Variants in NRXN3 observed in about 807,000 individuals in gnomAD.
NRXN3 encodes neurexin 3, also known as neurexin III.
In NRXN3, 32 loss-of-function variants were observed where a neutral mutation model predicts 137.6. The observed-to-expected ratio is 0.23, with a 90% CI of 0.18 to 0.31. The LOEUF is 0.31. Among genes scored for constraint, NRXN3 ranks in the 10% least tolerant of loss-of-function variants. NRXN3 has a pLI of 1.00. For missense variants in NRXN3, 1,574 were observed against 2,062.5 expected, an observed-to-expected ratio of 0.76 and a Z score of 4.59; for synonymous variants, 798 against 784.5, an observed-to-expected ratio of 1.02 and a Z score of -0.29.
intron 1 of NRXN3, among the ~76,000 whole-genome samples, chr14:78,195,061 C>T (rs918312099): frequency 2.0e-5 from 3 of 151,030 alleles, no homozygotes; most frequent in Non-Finnish European, 4.4e-5. Flanking sequence ...GACTGTCCCC[C>T]GACCCCCCAC....
At chr14:79,481,283 T>C (rs2153638174) in intron 16 of NRXN3, among the ~76,000 whole-genome samples, 1 of 152,306 alleles carries the variant, frequency 6.6e-6, no homozygotes, top group South Asian at 2.1e-4. Context: ...CATCTTTGTA[T>C]TTTTCTTTCT....
intron 1 of NRXN3, among the ~76,000 whole-genome samples, chr14:78,230,175 C>A (rs1335957879): frequency 6.6e-6 from 1 of 152,114 alleles, no homozygotes; most frequent in African/African-American, 2.4e-5. Context: ...CAGGCATGAG[C>A]CACCACACCT....
chr14:79,357,330 T>G (rs944007250), intron 15 of NRXN3, among the ~76,000 whole-genome samples: 12 of 152,164 alleles, frequency 7.9e-5, no homozygotes, highest in African/African-American at 2.9e-4. Flanking sequence ...ATTATAAACT[T>G]CTTTTTTAAA....
intron 4 of NRXN3, among the ~76,000 whole-genome samples, chr14:78,412,110 G>A (rs1191803348): frequency 2.0e-5 from 3 of 152,198 alleles, no homozygotes; most frequent in African/African-American, 4.8e-5. Context: ...GTAGTAAGAC[G>A]TTAATGGTGC....
intron 4 of NRXN3, among the ~76,000 whole-genome samples, chr14:78,451,874 C>G (rs1320779798): frequency 6.6e-6 from 1 of 152,174 alleles, no homozygotes; most frequent in East Asian, 1.9e-4. Flanking sequence ...GGATTATGTG[C>G]TAGATCAAGT....
intron 15 of NRXN3, among the ~76,000 whole-genome samples, chr14:79,426,393 T>G (rs1046667501): frequency 2.0e-5 from 3 of 152,174 alleles, no homozygotes; most frequent in Non-Finnish European, 4.4e-5. Flanking sequence ...TTGAAGCATT[T>G]TCTTGACATT....
rs1345360639 is a variant in NRXN3, at chr14:78,184,254, G to A, written c.-704+13580G>A. The stretch of plus-strand genomic sequence containing the variant: ...CTCATTTAACAAGTACTAATTGAGC[G>A]CCCGCTCGATGCCAGGCACTGGAAT... On this transcript the variant is annotated intron_variant, in intron 1 of 20. Coordinates refer to ENST00000335750, the MANE Select transcript of NRXN3 (RefSeq NM_001330195.2). 5.3e-5 allele frequency among the ~76,000 whole-genome samples: 8 copies of A among 152,182 alleles called. No homozygotes were observed. In the South Asian group the frequency reaches 1.2e-3, roughly 24 times the overall value.
chr14:79,120,120 T>C (rs1247060208), intron 15 of NRXN3, among the ~76,000 whole-genome samples: 1 of 152,154 alleles, frequency 6.6e-6, no homozygotes, highest in Non-Finnish European at 1.5e-5. Flanking sequence ...GTGTTCAAAT[T>C]ATTATCAAAT....
intron 15 of NRXN3, among the ~76,000 whole-genome samples, chr14:79,380,213 A>G (rs1599446146): frequency 9.1e-6 from 1 of 110,088 alleles, no homozygotes; most frequent in South Asian, 2.7e-4. Flanking sequence ...TATTATTATT[A>G]TACTTTAAGT....
intron 15 of NRXN3, among the ~76,000 whole-genome samples, chr14:79,085,762 T>G (rs1161825219): frequency 6.6e-6 from 1 of 152,152 alleles, no homozygotes; most frequent in Non-Finnish European, 1.5e-5. Flanking sequence ...GCAAGACTAT[T>G]GAAATAAGTG....
chr14:79,515,932 C>T (rs575855475), intron 16 of NRXN3, among the ~76,000 whole-genome samples: 2 of 152,156 alleles, frequency 1.3e-5, no homozygotes, highest in Admixed American at 1.3e-4. Flanking sequence ...GGCCCACAAA[C>T]TCAAAGCACG....
At chr14:79,473,568 G>A (rs1004111418) in intron 16 of NRXN3, among the ~76,000 whole-genome samples, 6 of 152,262 alleles carry the variant, frequency 3.9e-5, no homozygotes, top group Admixed American at 3.9e-4. Context: ...TTTGAGTCAA[G>A]AACTGTATTT....
chr14:79,259,689 A>G (rs1216896690), intron 15 of NRXN3, among the ~76,000 whole-genome samples: 1 of 138,588 alleles, frequency 7.2e-6, no homozygotes, highest in African/African-American at 2.7e-5. Context: ...CTATATATAT[A>G]GTTTATATAT....
At chr14:79,664,048 C>A in intron 17 of NRXN3, 99 bp downstream of exon 17, 1 of 1,200,796 alleles carries the variant, frequency 8.3e-7, no homozygotes. Context: ...TTCCAGAACA[C>A]TGAGTGAAGT....
intron 19 of NRXN3, among the ~76,000 whole-genome samples, chr14:79,709,582 C>T (rs2098795149): frequency 6.6e-6 from 1 of 152,156 alleles, no homozygotes; most frequent in South Asian, 2.1e-4. Flanking sequence ...TCCACGGTAA[C>T]AATGGGGAGC....
intron 4 of NRXN3, among the ~76,000 whole-genome samples, chr14:78,439,196 C>G (rs911372969): frequency 1.4e-4 from 21 of 151,754 alleles, no homozygotes; most frequent in African/African-American, 4.8e-4. Flanking sequence ...GGATCAAAAC[C>G]CCAGAGGAGG....
At position 79,851,363 on chromosome 14, in the gene NRXN3, A is replaced by AT. The variant is rs975041028; in HGVS notation, c.4094-9970dup. On this transcript the variant is annotated intron_variant, in intron 20 of 20. Transcript: ENST00000335750. ...GGGTTTTTCTTTTTCTATATTATTA[A>AT]TTTTTTTTTCCTCCATCTAAAACTT... is the stretch of plus-strand genomic sequence containing the variant. Among the ~76,000 whole-genome samples, 137 of 151,634 alleles carry AT rather than the reference A, an allele frequency of 9.0e-4. 1 individual carries two copies. The highest frequency in any genetic ancestry group is 3.0e-3 in the African/African-American group (125 of 41,366).
At chr14:79,424,382 T>C (rs1198562434) in intron 15 of NRXN3, among the ~76,000 whole-genome samples, 1 of 152,150 alleles carries the variant, frequency 6.6e-6, no homozygotes, top group Non-Finnish European at 1.5e-5. Context: ...GTTTTAAGGG[T>C]TGGAGAAAGA....
intron 4 of NRXN3, among the ~76,000 whole-genome samples, chr14:78,422,466 G>A (rs1443686776): frequency 6.6e-6 from 1 of 152,188 alleles, no homozygotes; most frequent in East Asian, 1.9e-4. Flanking sequence ...GAATCAGCTG[G>A]TGGGGAGACA....
Sources: gnomAD v4.1 joint callset for allele counts (sites outside exome capture counted in the v4.1 genomes callset) on GRCh38, gnomAD v4.1.1 for gene constraint, MANE v1.5 for transcripts, NCBI Gene and HGNC (gene_info 2026-07-23, HGNC 2026-07-21) for gene names.